Variants in TEAD1 observed in about 807,000 individuals in gnomAD.
TEAD1 encodes the protein TEA domain transcription factor 1, also known as transcriptional enhancer factor TEF-1.
In TEAD1, 9 loss-of-function variants were observed where a neutral mutation model predicts 54.9. The observed-to-expected ratio is 0.16, with a 90% CI of 0.10 to 0.29. The LOEUF is 0.29. TEAD1 is among the 10% of genes least tolerant of loss of function. The pLI is 1.00. For synonymous variants in TEAD1, 200 were observed against 187.8 expected, an observed-to-expected ratio of 1.07 and a Z score of -0.53; for missense variants, 387 against 535.9, an observed-to-expected ratio of 0.72 and a Z score of 2.74.
At chr11:12,883,778 C>T (rs4757959) in intron 9 of TEAD1, among the ~76,000 whole-genome samples, 38,233 of 151,862 alleles carry the variant, frequency 0.25, 5,700 homozygotes, top group East Asian at 0.7. Context: ...CTTTGGGAGG[C>T]CGAGGCAGGT....
chr11:12,706,955 T>C (rs1002108271), intron 2 of TEAD1, among the ~76,000 whole-genome samples: 37 of 152,142 alleles, frequency 2.4e-4, no homozygotes, highest in Non-Finnish European at 3.8e-4. Flanking sequence ...GGGCATCTCC[T>C]GACCTTGACT....
chr11:12,727,340 C>T (rs1206328659), intron 2 of TEAD1, among the ~76,000 whole-genome samples: 2 of 152,134 alleles, frequency 1.3e-5, no homozygotes, highest in African/African-American at 4.8e-5. Flanking sequence ...GGAGAGGCAG[C>T]TCCATTGTTG....
chr11:12,681,074 C>G (rs1943210778), intron 2 of TEAD1, among the ~76,000 whole-genome samples: 1 of 152,310 alleles, frequency 6.6e-6, no homozygotes. Context: ...CTTTTCATCT[C>G]AAAGCCTTTG....
At chr11:12,724,067 A>C (rs777428703) in intron 2 of TEAD1, among the ~76,000 whole-genome samples, 1 of 152,154 alleles carries the variant, frequency 6.6e-6, no homozygotes, top group Non-Finnish European at 1.5e-5. Flanking sequence ...AGTGGTGCTC[A>C]GCATTTGATA....
At chr11:12,688,241 A>G (rs1296588465) in intron 2 of TEAD1, among the ~76,000 whole-genome samples, 1 of 152,020 alleles carries the variant, frequency 6.6e-6, no homozygotes, top group Non-Finnish European at 1.5e-5. Flanking sequence ...GAAGAGAGTT[A>G]ACTGTGCTTG....
chr11:12,880,487 C>G (rs529723223), intron 6 of TEAD1, among the ~76,000 whole-genome samples: 1 of 152,176 alleles, frequency 6.6e-6, no homozygotes, highest in Non-Finnish European at 1.5e-5. Context: ...CTGCTCTTTC[C>G]CTCCTCTATG....
At chr11:12,923,459 C>T (rs529192862) in intron 10 of TEAD1, among the ~76,000 whole-genome samples, 1 of 152,276 alleles carries the variant, frequency 6.6e-6, no homozygotes, top group South Asian at 2.1e-4. Flanking sequence ...GTGGTATGTT[C>T]CTCACTTAAT....
intron 3 of TEAD1, among the ~76,000 whole-genome samples, chr11:12,805,444 G>A (rs988131773): frequency 6.6e-6 from 1 of 152,154 alleles, no homozygotes; most frequent in African/African-American, 2.4e-5. Flanking sequence ...ATTATATATT[G>A]TGGATGTCTA....
chr11:12,737,546 G>A (rs1046533606), intron 2 of TEAD1, among the ~76,000 whole-genome samples: 13 of 152,148 alleles, frequency 8.5e-5, no homozygotes, highest in Non-Finnish European at 1.2e-4. Flanking sequence ...CATTGGGTTT[G>A]CCCTAAAGCT....
intron 3 of TEAD1, 43 bp downstream of exon 3, chr11:12,764,477 G>T (rs112749310): frequency 2.5e-6 from 4 of 1,602,658 alleles, no homozygotes; most frequent in Admixed American, 1.7e-5. Flanking sequence ...ACAACCTGCA[G>T]TTGTGGTAGG....
chr11:12,931,700 A>C (rs1038706023), intron 12 of TEAD1, among the ~76,000 whole-genome samples: 1 of 152,200 alleles, frequency 6.6e-6, no homozygotes, highest in Non-Finnish European at 1.5e-5. Context: ...ACCGATAGCT[A>C]TTCAGCTAAT....
rs1949167036 is a variant in TEAD1, at chr11:12,942,101, A to G, written c.*4879A>G. ...TCACCACACTCAAATGTATATACCA[A>G]AACAAAAGGTTGCAACTTCATAGTT... On this transcript the variant is annotated 3_prime_UTR_variant, in exon 13 of 13. Transcript: ENST00000527636. The G allele has an allele frequency of 6.6e-6, 1 of 152,632 alleles. No homozygotes were observed. The highest frequency in any genetic ancestry group is 2.4e-5 in the African/African-American group (1 of 41,464). The allele number at this position is 152,632 out of a possible 1,614,324, so 9.5% of individuals were successfully genotyped here. A position where few individuals can be genotyped will look rare whatever the true frequency, so the allele number is the denominator to read the frequency against.
At chr11:12,875,898 C>T (rs865951524) in intron 5 of TEAD1, among the ~76,000 whole-genome samples, 3 of 152,018 alleles carry the variant, frequency 2.0e-5, no homozygotes, top group African/African-American at 4.8e-5. Flanking sequence ...ACCTTTAAAC[C>T]CAGAAGGACA....
At chr11:12,692,599 C>G (rs1049434751) in intron 2 of TEAD1, among the ~76,000 whole-genome samples, 2 of 152,176 alleles carry the variant, frequency 1.3e-5, no homozygotes, top group Admixed American at 1.3e-4. Context: ...ATTTCCCCCC[C>G]GCCCCCGCTT....
intron 5 of TEAD1, among the ~76,000 whole-genome samples, chr11:12,877,247 G>C (rs998522688): frequency 6.6e-6 from 1 of 152,106 alleles, no homozygotes; most frequent in Non-Finnish European, 1.5e-5. Flanking sequence ...AGTGTCACTC[G>C]GCCACGGGAG....
chr11:12,732,727 CAG>C (rs1039610790), intron 2 of TEAD1, among the ~76,000 whole-genome samples: 40 of 152,238 alleles, frequency 2.6e-4, no homozygotes, highest in Non-Finnish European at 3.8e-4. Context: ...TGTGAAAAGT[CAG>C]AGTTGGGACT....
chr11:12,682,993 G>T (rs1244563975), intron 2 of TEAD1, among the ~76,000 whole-genome samples: 1 of 152,190 alleles, frequency 6.6e-6, no homozygotes, highest in Non-Finnish European at 1.5e-5. Flanking sequence ...CCTGTGGAGT[G>T]AATGCAGCGG....
chr11:12,833,967 AC>A (rs1383302518), intron 3 of TEAD1, among the ~76,000 whole-genome samples: 2 of 152,148 alleles, frequency 1.3e-5, no homozygotes, highest in Non-Finnish European at 2.9e-5. Flanking sequence ...TGTTTGCTTG[AC>A]ACAGGCAGTT....
chr11:12,679,144 G>T (rs1174524619), intron 2 of TEAD1, among the ~76,000 whole-genome samples: 7 of 152,086 alleles, frequency 4.6e-5, no homozygotes, highest in Non-Finnish European at 5.9e-5. Flanking sequence ...TGGTGGTGGT[G>T]GGGAGTAGGG....
Sources: gnomAD v4.1 joint callset for allele counts (sites outside exome capture counted in the v4.1 genomes callset) on GRCh38, gnomAD v4.1.1 for gene constraint, MANE v1.5 for transcripts, NCBI Gene and HGNC (gene_info 2026-07-23, HGNC 2026-07-21) for gene names.